ADAMTS14: variants seen among roughly 807,000 people sequenced by gnomAD.
The protein encoded by ADAMTS14 is A disintegrin and metalloproteinase with thrombospondin motifs 14.
ADAMTS14 carries 100 observed loss-of-function variants against 128.6 expected under a neutral mutation model. The ratio of observed to expected loss-of-function variants is 0.78; its 90% CI spans 0.66 to 0.92. The LOEUF is 0.92. Among genes scored for constraint, ADAMTS14 ranks in the 40% least tolerant of loss-of-function variants. ADAMTS14 has a pLI of 0.00. For synonymous variants in ADAMTS14, 665 were observed against 653.8 expected (o/e 1.02, Z -0.26); for missense variants, 1,562 against 1,658.6 (o/e 0.94, Z 1.01).
At chr10:70,751,688 C>G in intron 17 of ADAMTS14, 42 bp downstream of exon 17, 1 of 1,590,114 alleles carries the variant, frequency 6.3e-7, no homozygotes, top group Non-Finnish European at 8.6e-7. Flanking sequence ...TGGGGCAGCC[C>G]AGGATCCCTT....
At chr10:70,760,121 TG>T (rs2132765008) in intron 21 of ADAMTS14, among the ~76,000 whole-genome samples, 1 of 150,820 alleles carries the variant, frequency 6.6e-6, no homozygotes, top group East Asian at 2.0e-4. Flanking sequence ...CTGCTGCGTG[TG>T]GGGACATCAC....
chr10:70,729,303 AT>A lies in ADAMTS14; in HGVS notation c.883del (p.Tyr295ThrfsTer10), dbSNP rs1841546207. ...TATTTTCTTCTTGCAGGTAGATGAG[AT>A]TTACCACGATGAGTCCCTGGGGGTT... ...VLTLMNIVDE[I>X]YHDESLGVHI... On this transcript the variant is annotated frameshift_variant, in exon 5 of 22. Transcript: ENST00000373207. LOFTEE classifies it high-confidence loss of function. 6.2e-7 allele frequency: 1 copy of A among 1,613,522 alleles called. No homozygotes were observed. The highest frequency in any genetic ancestry group is 1.3e-5 in the African/African-American group (1 of 74,830).
rs1255141852 is a variant in ADAMTS14, at chr10:70,726,388, TG to T, written c.871-2904del. Among the ~76,000 whole-genome samples the T allele has an allele frequency of 1.3e-5, 2 of 152,138 alleles. 1 individual carries two copies. Among genetic ancestry groups the T allele is most frequent in the East Asian group, 3.8e-4 (2 of 5,198 alleles). On this transcript the variant is annotated intron_variant, in intron 4 of 21. Coordinates refer to ENST00000373207, the MANE Select transcript of ADAMTS14 (RefSeq NM_080722.4). Reference sequence around the variant, plus strand: ...TGGTCTGCCTTACAAGAAAGACACGTGGAGGAAGGCAGCAGCCCTGGGCATT... The same window carrying T: ...TGGTCTGCCTTACAAGAAAGACACGTGAGGAAGGCAGCAGCCCTGGGCATT...
rs747929150 is a variant in ADAMTS14 at position 70,760,619 on chromosome 10, C to A, written c.3438C>A (p.Gly1146=). The change falls in exon 22 of 22, where the codon GGC becomes GGA. Residue 1146 remains glycine (G), a synonymous_variant. Coordinates refer to ENST00000373207, the MANE Select transcript of ADAMTS14 (RefSeq NM_080722.4). ...KPTGSEDHQH[G]RATQLPGALD... is the part of the protein sequence containing the mutation. ...CGGGATCAGAGGACCATCAGCATGG[C>A]CGAGCCACACAGCTCCCAGGAGCTC... 6.2e-7 allele frequency: 1 copy of A among 1,614,094 alleles called. No individual in the cohort carries two copies. The highest frequency in any genetic ancestry group is 8.5e-7 in the Non-Finnish European group (1 of 1,180,004).
intron 6 of ADAMTS14, 114 bp from the exon 7 acceptor site, chr10:70,732,140 G>A: frequency 1.1e-6 from 1 of 908,486 alleles, no homozygotes; most frequent in Non-Finnish European, 1.8e-6. Context: ...CTTCCTCCAG[G>A]AACGTCCCCA....
At chr10:70,708,443 G>GCA in intron 3 of ADAMTS14, 145 bp from the exon 4 acceptor site, 1 of 680,740 alleles carries the variant, frequency 1.5e-6, no homozygotes, top group Non-Finnish European at 2.4e-6. Flanking sequence ...AGTTGACCTA[G>GCA]TATGGAGCAA....
At chr10:70,726,023 C>T (rs1366794376) in intron 4 of ADAMTS14, among the ~76,000 whole-genome samples, 1 of 152,320 alleles carries the variant, frequency 6.6e-6, no homozygotes, top group East Asian at 1.9e-4. Flanking sequence ...GCACCTGAAG[C>T]CCTTGGTCTC....
At position 70,753,993 on chromosome 10, in the gene ADAMTS14, G is replaced by T; in HGVS notation, c.2923G>T (p.Gly975Ter). Reference protein sequence around the residue: ...RVPCPAQWRLGAWSQCSATCG... With the variant: ...RVPCPAQWRL ...GCCCTGCCCAGCCCAGTGGAGGCTG[G>T]GAGCCTGGTCCCAGGTGACTTGTCC... Residue 975 changes from glycine (G) to a stop codon, truncating the protein, a stop_gained, in exon 19 of 22, where the codon GGA becomes TGA. Coordinates refer to ENST00000373207, the MANE Select transcript of ADAMTS14 (RefSeq NM_080722.4). LOFTEE classifies it high-confidence loss of function. The T allele has an allele frequency of 6.4e-7, 1 of 1,567,618 alleles. No individual in the cohort carries two copies.
At chr10:70,699,568 C>T (rs565157419) in intron 2 of ADAMTS14, among the ~76,000 whole-genome samples, 4 of 151,928 alleles carry the variant, frequency 2.6e-5, no homozygotes, top group Admixed American at 2.0e-4. Context: ...GGGACGAGCA[C>T]GATGATCTTG....
chr10:70,733,371 A>G (rs1476110295), intron 7 of ADAMTS14, among the ~76,000 whole-genome samples: 4 of 152,226 alleles, frequency 2.6e-5, no homozygotes, highest in Admixed American at 2.6e-4. Flanking sequence ...CTCTGTGCCC[A>G]GCCTTGCAGA....
At chr10:70,713,392 C>A (rs1454009779) in intron 4 of ADAMTS14, among the ~76,000 whole-genome samples, 1 of 152,216 alleles carries the variant, frequency 6.6e-6, no homozygotes, top group Non-Finnish European at 1.5e-5. Context: ...CCAGCTCACA[C>A]TAGCTGAAGC....
chr10:70,754,250 G>C (rs1842428879), intron 19 of ADAMTS14, among the ~76,000 whole-genome samples: 1 of 152,244 alleles, frequency 6.6e-6, no homozygotes, highest in Non-Finnish European at 1.5e-5. Context: ...TCATGTCCCT[G>C]TGTTCCAGAT....
intron 3 of ADAMTS14, among the ~76,000 whole-genome samples, chr10:70,705,751 A>T (rs1403245138): frequency 6.6e-6 from 1 of 152,206 alleles, no homozygotes; most frequent in Admixed American, 6.5e-5. Flanking sequence ...AGGCTCATCC[A>T]TGGGATCGCC....
At chr10:70,687,213 C>T (rs78687442) in intron 2 of ADAMTS14, among the ~76,000 whole-genome samples, 6 of 96,744 alleles carry the variant, frequency 6.2e-5, no homozygotes, top group Non-Finnish European at 1.2e-4. Context: ...CCCTCCCGGA[C>T]GGGGCGGCTG....
At chr10:70,734,968 A>G (rs897306088) in intron 8 of ADAMTS14, among the ~76,000 whole-genome samples, 1 of 152,172 alleles carries the variant, frequency 6.6e-6, no homozygotes, top group Non-Finnish European at 1.5e-5. Flanking sequence ...GCCCTTCCAG[A>G]TATAGTCACT....
intron 4 of ADAMTS14, among the ~76,000 whole-genome samples, chr10:70,724,692 G>C (rs1841372169): frequency 6.6e-6 from 1 of 152,240 alleles, no homozygotes; most frequent in South Asian, 2.1e-4. Context: ...CCCTACTCAA[G>C]GGCTGGGGAT....
In ADAMTS14 at chr10:70,708,592, T is replaced by C; in HGVS notation, c.684T>C (p.Phe228=). The change falls in exon 4 of 22, where the codon TTT becomes TTC. Residue 228 remains phenylalanine (F), a synonymous_variant. Coordinates refer to ENST00000373207, the MANE Select transcript of ADAMTS14 (RefSeq NM_080722.4). ...EPDGDLHNEA[F]GLGDLPNLLG... is the part of the protein sequence containing the mutation. ...CTCTTCCTGTCTTGGTTCCAGCCTT[T>C]GGCCTGGGAGACCTTCCCAACCTGC... The C allele has an allele frequency of 1.2e-6, 2 of 1,603,364 alleles. No individual in the cohort carries two copies. The highest frequency in any genetic ancestry group is 1.7e-6 in the Non-Finnish European group (2 of 1,171,774).
rs747276945 is a variant in ADAMTS14, at chr10:70,735,258, A to C, written c.1442A>C (p.Gln481Pro). The stretch of plus-strand genomic sequence containing the variant: ...GGGATCAACTACTCAATGGATGAGC[A>C]GTGCCGCTTTGACTTTGGCAGTGGC... ...LPGINYSMDE[Q>P]CRFDFGSGYQ... The change falls in exon 9 of 22, where the codon CAG becomes CCG. Residue 481 changes from glutamine to proline, a missense_variant. Coordinates refer to ENST00000373207, the MANE Select transcript of ADAMTS14 (RefSeq NM_080722.4). 6.8e-6 allele frequency: 11 copies of C among 1,613,956 alleles called. No individual in the cohort carries two copies. Among genetic ancestry groups the C allele is most frequent in the South Asian group, 2.2e-5 (2 of 91,030 alleles).
chr10:70,707,342 G>A (rs1369095035), intron 3 of ADAMTS14, among the ~76,000 whole-genome samples: 1 of 152,120 alleles, frequency 6.6e-6, no homozygotes, highest in Non-Finnish European at 1.5e-5. Context: ...CCTATCTGGG[G>A]AGTTCTCAAA....
Sources: gnomAD v4.1 joint callset for allele counts (sites outside exome capture counted in the v4.1 genomes callset) on GRCh38, gnomAD v4.1.1 for gene constraint, MANE v1.5 for transcripts, NCBI Gene and HGNC (gene_info 2026-07-23, HGNC 2026-07-21) for gene names.